Variants in PACS1 observed in about 807,000 individuals in gnomAD.
PACS1 encodes phosphofurin acidic cluster sorting protein 1.
In PACS1, 24 loss-of-function variants were observed where a neutral mutation model predicts 115.0. The observed-to-expected ratio is 0.21, with a 90% CI of 0.15 to 0.29. The LOEUF (loss-of-function observed/expected upper bound fraction) is 0.29. Among genes scored for constraint, PACS1 ranks in the 10% least tolerant of loss-of-function variants. The pLI is 1.00. For synonymous variants in PACS1, 453 were observed against 504.5 expected, an observed-to-expected ratio of 0.90 and a Z score of 1.37; for missense variants, 838 against 1,251.2, an observed-to-expected ratio of 0.67 and a Z score of 4.98.
At chr11:66,211,284 T>C (rs904669148) in intron 4 of PACS1, 25 bp downstream of exon 4, 9 of 1,611,600 alleles carry the variant, frequency 5.6e-6, no homozygotes, top group Non-Finnish European at 7.6e-6. Context: ...GTCTCCAGAC[T>C]GTTGGCCTTT....
chr11:66,182,954 A>G (rs1433948223), intron 1 of PACS1, among the ~76,000 whole-genome samples: 1 of 152,016 alleles, frequency 6.6e-6, no homozygotes, highest in East Asian at 1.9e-4. Flanking sequence ...ACATGGTGAA[A>G]CCTCGTCTCT....
chr11:66,234,678 G>C (rs900496978), intron 17 of PACS1, among the ~76,000 whole-genome samples: 1 of 152,146 alleles, frequency 6.6e-6, no homozygotes, highest in Non-Finnish European at 1.5e-5. Flanking sequence ...AGGAGTTCAA[G>C]ACCAGCCTGG....
At chr11:66,118,769 CAAAAAAAAA>C (rs397945291) in intron 1 of PACS1, among the ~76,000 whole-genome samples, 5 of 83,614 alleles carry the variant, frequency 6.0e-5, no homozygotes, top group East Asian at 3.4e-4. Context: ...CCCATGTCTA[CAAAAAAAAA>C]AAAAAAAAAA....
intron 21 of PACS1, among the ~76,000 whole-genome samples, chr11:66,240,206 TG>T (rs1322192027): frequency 6.6e-6 from 1 of 152,172 alleles, no homozygotes; most frequent in African/African-American, 2.4e-5. Flanking sequence ...GGGTTCAGGC[TG>T]AATCTCTGAG....
chr11:66,200,781 A>G (rs1854770624), intron 2 of PACS1, among the ~76,000 whole-genome samples: 2 of 152,190 alleles, frequency 1.3e-5, no homozygotes, highest in Admixed American at 6.5e-5. Context: ...TAACCGCACT[A>G]TAGACCAAAT....
intron 1 of PACS1, among the ~76,000 whole-genome samples, chr11:66,119,364 G>C (rs1022980592): frequency 1.3e-5 from 2 of 152,240 alleles, no homozygotes; most frequent in African/African-American, 4.8e-5. Context: ...GTCTGTGGCT[G>C]CTTTCTCCCT....
At chr11:66,099,713 T>G (rs756365481) in intron 1 of PACS1, among the ~76,000 whole-genome samples, 5 of 151,074 alleles carry the variant, frequency 3.3e-5, no homozygotes, top group Non-Finnish European at 7.4e-5. Context: ...ACCCAGCTAA[T>G]TTTTGTATTT....
chr11:66,192,048 A>G (rs485857), intron 1 of PACS1, among the ~76,000 whole-genome samples: 38,993 of 151,868 alleles, frequency 0.26, 5,664 homozygotes, highest in East Asian at 0.44. Context: ...AAAGTTCTTG[A>G]GTGAGGTTAA....
At position 66,239,259 on chromosome 11, in the gene PACS1, G is replaced by T. The variant is rs778817576; in HGVS notation, c.2411G>T (p.Ser804Ile). ...CCTCCCTCCTCCCCATCTATGAGCA[G>T]CGCCCTGGCCATCGTGGGGTAAGGC... ...ATPPSSPSMS[S>I]ALAIVGSPNS... Residue 804 changes from serine (S) to isoleucine (I), a missense_variant, in exon 21 of 24, where the codon AGC becomes ATC. Ser to Ile is a moderately radical substitution (Grantham distance 142). This residue lies in a region of PACS1 where 383 missense variants were observed against 537.0 expected (regional missense o/e 0.71). Transcript: ENST00000320580. The T allele has an allele frequency of 1.2e-6, 2 of 1,612,982 alleles. No homozygotes were observed. The highest frequency in any genetic ancestry group is 2.2e-5 in the East Asian group (1 of 44,876).
intron 1 of PACS1, among the ~76,000 whole-genome samples, chr11:66,174,967 A>G (rs1027620699): frequency 1.3e-5 from 2 of 152,150 alleles, no homozygotes; most frequent in African/African-American, 4.8e-5. Flanking sequence ...CCTCACCAAC[A>G]TGGTGAAATC....
chr11:66,078,592 C>T (rs1246554623), intron 1 of PACS1, among the ~76,000 whole-genome samples: 2 of 152,214 alleles, frequency 1.3e-5, no homozygotes, highest in Non-Finnish European at 2.9e-5. Context: ...CTCTGTTGCC[C>T]AAACTGGAAT....
intron 1 of PACS1, among the ~76,000 whole-genome samples, chr11:66,180,071 A>G (rs1281989167): frequency 1.3e-5 from 2 of 152,000 alleles, no homozygotes; most frequent in Non-Finnish European, 1.5e-5. Flanking sequence ...CAAACTCCTG[A>G]TCTCAGGTGA....
intron 1 of PACS1, among the ~76,000 whole-genome samples, chr11:66,162,314 G>A (rs1236228362): frequency 6.6e-6 from 1 of 151,852 alleles, no homozygotes; most frequent in Non-Finnish European, 1.5e-5. Context: ...TAGAGACAGG[G>A]TTTCTCCATG....
intron 1 of PACS1, among the ~76,000 whole-genome samples, chr11:66,078,148 C>T (rs772479071): frequency 6.6e-6 from 1 of 152,208 alleles, no homozygotes; most frequent in Admixed American, 6.5e-5. Context: ...AACCTGGGCT[C>T]CCTTCATCCT....
chr11:66,169,405 CT>C (rs59423838), intron 1 of PACS1, among the ~76,000 whole-genome samples: 45 of 143,764 alleles, frequency 3.1e-4, no homozygotes, highest in Middle Eastern at 3.4e-3. Flanking sequence ...TGGTTCATTA[CT>C]TTTTTTTTTT....
chr11:66,079,252 CTG>C (rs1857442203), intron 1 of PACS1, among the ~76,000 whole-genome samples: 1 of 138,524 alleles, frequency 7.2e-6, no homozygotes, highest in Non-Finnish European at 1.5e-5. Context: ...CTGTATCTGT[CTG>C]TGAGTTTTCT....
intron 1 of PACS1, among the ~76,000 whole-genome samples, chr11:66,137,154 G>A (rs983063953): frequency 3.3e-5 from 5 of 150,938 alleles, no homozygotes; most frequent in Non-Finnish European, 5.9e-5. Context: ...TCATGTGTTT[G>A]GAGTTTATTC....
intron 1 of PACS1, among the ~76,000 whole-genome samples, chr11:66,090,271 C>CTTTTTTTTTTTTTT (rs930565654): frequency 2.7e-5 from 3 of 109,444 alleles, no homozygotes; most frequent in Non-Finnish European, 5.5e-5. Flanking sequence ...TCTTTCCTTT[C>CTTTTTTTTTTTTTT]TTTTTTTTTT....
intron 1 of PACS1, among the ~76,000 whole-genome samples, chr11:66,142,053 G>A (rs1859003905): frequency 6.6e-6 from 1 of 151,964 alleles, no homozygotes; most frequent in African/African-American, 2.4e-5. Flanking sequence ...CAAGAGATCT[G>A]CCTGCCTTAG....
Sources: allele counts gnomAD v4.1 joint callset (sites outside exome capture counted in the v4.1 genomes callset), GRCh38; gene constraint gnomAD v4.1.1; regional missense constraint gnomAD v4.1.1; transcripts MANE v1.5; gene names NCBI Gene and HGNC (gene_info 2026-07-23, HGNC 2026-07-21).